Variants in NKAIN2 observed in about 807,000 individuals in gnomAD.
NKAIN2 encodes the protein sodium/potassium-transporting ATPase subunit beta-1-interacting protein 2.
Under a neutral mutation model 32.6 loss-of-function variants are expected in NKAIN2, and 14 were observed. The ratio of observed to expected loss-of-function variants is 0.43; its 90% CI spans 0.28 to 0.67. The LOEUF (loss-of-function observed/expected upper bound fraction) is 0.67. NKAIN2 is among the 30% of genes least tolerant of loss of function. The probability of loss-of-function intolerance (pLI) is 0.17; values close to 1 mark genes in which losing one functional copy is unlikely to be tolerated. For synonymous variants in NKAIN2, 80 were observed against 87.2 expected, an observed-to-expected ratio of 0.92 and a Z score of 0.46; for missense variants, 198 against 258.3, an observed-to-expected ratio of 0.77 and a Z score of 1.60.
chr6:124,410,580 T>C (rs914456743), intron 3 of NKAIN2, among the ~76,000 whole-genome samples: 4 of 152,348 alleles, frequency 2.6e-5, no homozygotes, highest in South Asian at 2.1e-4. Flanking sequence ...ATAATTTCTG[T>C]TCTTTTACAT....
intron 1 of NKAIN2, among the ~76,000 whole-genome samples, chr6:123,911,683 A>G (rs1775183853): frequency 1.3e-5 from 2 of 151,424 alleles, no homozygotes; most frequent in South Asian, 4.2e-4. Context: ...TTGAAATGCA[A>G]TTGTCAAACC....
At chr6:124,772,505 T>C (rs977323752) in intron 4 of NKAIN2, among the ~76,000 whole-genome samples, 2 of 152,194 alleles carry the variant, frequency 1.3e-5, no homozygotes, top group Non-Finnish European at 2.9e-5. Context: ...CAGCAGCATA[T>C]GTGGATTTGG....
chr6:124,587,292 CT>C (rs1781745317), intron 3 of NKAIN2, among the ~76,000 whole-genome samples: 1 of 151,844 alleles, frequency 6.6e-6, no homozygotes, highest in Non-Finnish European at 1.5e-5. Flanking sequence ...GTGCAGGGTG[CT>C]ATCTCGGCTC....
chr6:124,698,327 G>T (rs1033907297), intron 4 of NKAIN2, among the ~76,000 whole-genome samples: 1 of 152,056 alleles, frequency 6.6e-6, no homozygotes, highest in African/African-American at 2.4e-5. Context: ...TTTTATGTTA[G>T]AAATCTCCAC....
chr6:124,650,358 CAG>C (rs1441314869), intron 3 of NKAIN2, among the ~76,000 whole-genome samples: 1 of 152,038 alleles, frequency 6.6e-6, no homozygotes, highest in Non-Finnish European at 1.5e-5. Flanking sequence ...TACCAGTAAA[CAG>C]AATTTGAAAT....
chr6:124,693,708 C>G (rs1305175818), intron 4 of NKAIN2, among the ~76,000 whole-genome samples: 1 of 152,132 alleles, frequency 6.6e-6, no homozygotes, highest in Non-Finnish European at 1.5e-5. Context: ...TTCAATCAAA[C>G]ACAGTTTGGC....
intron 3 of NKAIN2, among the ~76,000 whole-genome samples, chr6:124,420,337 G>A (rs1251947837): frequency 2.0e-5 from 3 of 152,006 alleles, no homozygotes; most frequent in South Asian, 4.1e-4. Flanking sequence ...GTGCAGATAA[G>A]GTAACACATT....
intron 1 of NKAIN2, among the ~76,000 whole-genome samples, chr6:124,080,296 G>C (rs1356095830): frequency 6.6e-6 from 1 of 152,136 alleles, no homozygotes; most frequent in Non-Finnish European, 1.5e-5. Context: ...ACAAAAGGCT[G>C]TCTTGTTCCT....
chr6:123,958,545 C>A (rs138826404), intron 1 of NKAIN2, among the ~76,000 whole-genome samples: 2 of 152,226 alleles, frequency 1.3e-5, no homozygotes, highest in Non-Finnish European at 2.9e-5. Context: ...TTTAAAAGGA[C>A]GCTAATCTCA....
chr6:124,119,389 A>C (rs1314825821), intron 1 of NKAIN2, among the ~76,000 whole-genome samples: 1 of 152,188 alleles, frequency 6.6e-6, no homozygotes, highest in Non-Finnish European at 1.5e-5. Flanking sequence ...AACATGAGCA[A>C]GTTTTTCTCA....
chr6:123,911,811 A>ATATGTGTATATATATATATATATG (rs1562253493), intron 1 of NKAIN2, among the ~76,000 whole-genome samples: 6 of 96,650 alleles, frequency 6.2e-5, no homozygotes, highest in African/African-American at 3.4e-4. Flanking sequence ...GTATATATAT[A>ATATGTGTATATATATATATATATG]TACACACACA....
intron 3 of NKAIN2, among the ~76,000 whole-genome samples, chr6:124,582,308 T>C (rs1462963878): frequency 6.6e-6 from 1 of 152,148 alleles, no homozygotes; most frequent in African/African-American, 2.4e-5. Context: ...ATGTGTCCTT[T>C]TTATATGAGC....
At chr6:124,762,555 C>G (rs1283852130) in intron 4 of NKAIN2, among the ~76,000 whole-genome samples, 1 of 152,058 alleles carries the variant, frequency 6.6e-6, no homozygotes. Flanking sequence ...GTGATAAACT[C>G]TAAAGATTAG....
intron 1 of NKAIN2, among the ~76,000 whole-genome samples, chr6:124,107,034 G>T (rs1785154538): frequency 6.6e-6 from 1 of 152,102 alleles, no homozygotes; most frequent in African/African-American, 2.4e-5. Flanking sequence ...TTTTTAATAG[G>T]GTAGTCAGGT....
intron 1 of NKAIN2, among the ~76,000 whole-genome samples, chr6:123,930,904 G>A (rs1256489268): frequency 6.6e-6 from 1 of 152,060 alleles, no homozygotes; most frequent in African/African-American, 2.4e-5. Flanking sequence ...CAAGTTATAC[G>A]ATTAATAGAA....
At chr6:124,346,886 G>A (rs1299865849) in intron 2 of NKAIN2, among the ~76,000 whole-genome samples, 1 of 151,800 alleles carries the variant, frequency 6.6e-6, no homozygotes, top group East Asian at 1.9e-4. Context: ...TATGATGTTA[G>A]CTGGTGATTT....
intron 1 of NKAIN2, among the ~76,000 whole-genome samples, chr6:123,941,986 G>A (rs1776848261): frequency 6.6e-6 from 1 of 151,916 alleles, no homozygotes; most frequent in Non-Finnish European, 1.5e-5. Flanking sequence ...AGAAATAGCT[G>A]TAAAATAGCT....
intron 4 of NKAIN2, among the ~76,000 whole-genome samples, chr6:124,723,853 A>C (rs1776145022): frequency 6.6e-6 from 1 of 152,210 alleles, no homozygotes; most frequent in Non-Finnish European, 1.5e-5. Flanking sequence ...TACTTCCAAA[A>C]TGCTGGGCAT....
intron 2 of NKAIN2, among the ~76,000 whole-genome samples, chr6:124,344,537 A>G: frequency 6.6e-6 from 1 of 151,394 alleles, no homozygotes; most frequent in Non-Finnish European, 1.5e-5. Flanking sequence ...CTCCTTGAAG[A>G]GGTCCTTCAC....
Sources: allele counts gnomAD v4.1 joint callset (sites outside exome capture counted in the v4.1 genomes callset), GRCh38; gene constraint gnomAD v4.1.1; transcripts MANE v1.5; gene names NCBI Gene and HGNC (gene_info 2026-07-23, HGNC 2026-07-21).